Variants in SDK1 observed in about 807,000 individuals in gnomAD.
SDK1 encodes the protein sidekick cell adhesion molecule 1, also known as protein sidekick-1.
Under a neutral mutation model 245.5 loss-of-function variants are expected in SDK1, and 157 were observed. That is an observed-to-expected ratio of 0.64 (90% CI 0.56 to 0.73). The LOEUF (loss-of-function observed/expected upper bound fraction) is 0.73. SDK1 is among the 30% of genes least tolerant of loss of function. The probability of loss-of-function intolerance (pLI) is 0.00; values close to 1 mark genes in which losing one functional copy is unlikely to be tolerated. For missense variants in SDK1, 3,583 were observed against 3,002.3 expected (o/e 1.19, Z -4.52); for synonymous variants, 1,647 against 1,278.5 (o/e 1.29, Z -6.15).
At chr7:3,846,045 G>C (rs1397509371) in intron 5 of SDK1, among the ~76,000 whole-genome samples, 8 of 152,172 alleles carry the variant, frequency 5.3e-5, no homozygotes, top group Non-Finnish European at 8.8e-5. Context: ...ATTTCTGTTT[G>C]AAGTAAATGA....
chr7:3,722,846 CTCCCCTCCTGGCCAT>C (rs1199261421), intron 4 of SDK1, among the ~76,000 whole-genome samples: 1 of 152,212 alleles, frequency 6.6e-6, no homozygotes, highest in African/African-American at 2.4e-5. Context: ...CATCTGACCA[CTCCCCTCCTGGCCAT>C]TCCCCCTCCT....
chr7:4,225,487 A>G (rs763901718), intron 40 of SDK1, among the ~76,000 whole-genome samples: 10 of 152,162 alleles, frequency 6.6e-5, no homozygotes, highest in African/African-American at 7.2e-5. Flanking sequence ...AACACATCTC[A>G]GCATTTTCCA....
chr7:4,179,645 C>A (rs1782475037), intron 35 of SDK1, among the ~76,000 whole-genome samples: 1 of 152,034 alleles, frequency 6.6e-6, no homozygotes, highest in Non-Finnish European at 1.5e-5. Flanking sequence ...TCACTCAGAG[C>A]CACCGAGGTA....
chr7:3,571,777 C>T (rs933905287), intron 1 of SDK1, among the ~76,000 whole-genome samples: 2 of 152,022 alleles, frequency 1.3e-5, no homozygotes, highest in Non-Finnish European at 2.9e-5. Context: ...AAATTTTTAA[C>T]TTGGATGGAG....
chr7:3,675,116 T>C (rs1249705568), intron 4 of SDK1, among the ~76,000 whole-genome samples: 2 of 152,208 alleles, frequency 1.3e-5, no homozygotes, highest in African/African-American at 4.8e-5. Flanking sequence ...ATATCTCCAA[T>C]GTTGATCTCC....
intron 4 of SDK1, among the ~76,000 whole-genome samples, chr7:3,819,230 GT>G (rs11315088): frequency 0.24 from 34,538 of 144,978 alleles, 5,272 homozygotes; most frequent in African/African-American, 0.44. Flanking sequence ...GGCAGCAGCA[GT>G]TTTTTTTTTT....
At position 4,256,993 on chromosome 7, in the gene SDK1, C is replaced by T. The variant is rs35039665; in HGVS notation, c.6382-8131C>T. 3.9e-5 allele frequency among the ~76,000 whole-genome samples: 6 copies of T among 152,208 alleles called. No individual in the cohort carries two copies. In the South Asian group the frequency reaches 8.3e-4, roughly 21 times the overall value. On this transcript the variant is annotated intron_variant, in intron 44 of 44. Transcript: ENST00000404826. ...GAATTATGTCCTAAGTGTCACACGACGCATGCTGTGGCTATTTCTGTTTTT... is the reference window on the plus strand; with the variant it reads ...GAATTATGTCCTAAGTGTCACACGATGCATGCTGTGGCTATTTCTGTTTTT...
At chr7:3,324,220 G>A (rs557468527) in intron 1 of SDK1, among the ~76,000 whole-genome samples, 3 of 152,236 alleles carry the variant, frequency 2.0e-5, no homozygotes, top group South Asian at 2.1e-4. Context: ...TGTTTTGATT[G>A]TAAGAATGTT....
intron 1 of SDK1, among the ~76,000 whole-genome samples, chr7:3,445,381 T>G (rs1261216861): frequency 6.6e-6 from 1 of 152,198 alleles, no homozygotes; most frequent in Non-Finnish European, 1.5e-5. Flanking sequence ...TAGGTTAAGT[T>G]AGGTTAAACT....
chr7:3,896,600 C>T (rs1217052854), intron 5 of SDK1, among the ~76,000 whole-genome samples: 1 of 152,188 alleles, frequency 6.6e-6, no homozygotes, highest in Non-Finnish European at 1.5e-5. Context: ...TTCCCTCAGC[C>T]TGGATTGGGA....
chr7:3,971,372 T>C (rs984639226), intron 11 of SDK1, 94 bp from the exon 12 acceptor site: 2 of 798,000 alleles, frequency 2.5e-6, no homozygotes, highest in African/African-American at 3.4e-5. Flanking sequence ...AACTCGGAGG[T>C]TGTGATGTCA....
chr7:3,808,439 C>A (rs142968676), intron 4 of SDK1, among the ~76,000 whole-genome samples: 135 of 152,338 alleles, frequency 8.9e-4, no homozygotes, highest in African/African-American at 3.1e-3. Context: ...TGTCTCCCAA[C>A]TGTGGCTAAT....
intron 4 of SDK1, among the ~76,000 whole-genome samples, chr7:3,811,677 C>T (rs1779387306): frequency 1.3e-5 from 2 of 152,182 alleles, no homozygotes; most frequent in South Asian, 4.1e-4. Flanking sequence ...GCCAGCCCCG[C>T]AGTTCAGGAG....
chr7:4,113,912 A>G (rs1783518872), intron 24 of SDK1, 125 bp from the exon 25 acceptor site: 6 of 692,550 alleles, frequency 8.7e-6, no homozygotes, highest in Admixed American at 8.0e-5. Flanking sequence ...GATCCTTCTA[A>G]GACTATTTCC....
chr7:4,129,567 G>C (rs948093901), intron 26 of SDK1: 1 of 791,068 alleles, frequency 1.3e-6, no homozygotes, highest in African/African-American at 1.9e-5. Flanking sequence ...GTGGCAGGAA[G>C]CAGAGTGTTG....
At position 4,051,754 on chromosome 7, in the gene SDK1, C is replaced by T. The variant is rs1249134900; in HGVS notation, c.2835C>T (p.Phe945=). ...ITNLKKFTAY[F]TSVLCFTTPG... ...ACCTGAAGAAGTTTACCGCCTACTT[C>T]ACTTCCGTTCTGTGCTTCACCACCC... The change falls in exon 19 of 45, where the codon TTC becomes TTT. Residue 945 remains phenylalanine, a synonymous_variant. Coordinates refer to ENST00000404826, the MANE Select transcript of SDK1 (RefSeq NM_152744.4). The T allele has an allele frequency of 1.9e-6, 3 of 1,614,088 alleles. No individual in the cohort carries two copies. The highest frequency in any genetic ancestry group is 1.7e-5 in the Admixed American group (1 of 60,008).
intron 4 of SDK1, among the ~76,000 whole-genome samples, chr7:3,729,436 G>C (rs1438326414): frequency 6.6e-6 from 1 of 152,204 alleles, no homozygotes. Flanking sequence ...GGAGACATTT[G>C]TGGTTGTCAC....
intron 1 of SDK1, among the ~76,000 whole-genome samples, chr7:3,587,624 C>T (rs1562584011): frequency 4.6e-5 from 7 of 152,242 alleles, no homozygotes; most frequent in Admixed American, 6.5e-5. Flanking sequence ...TCCCTACCTA[C>T]ATCGGGGATG....
intron 5 of SDK1, among the ~76,000 whole-genome samples, chr7:3,893,604 C>T (rs1286461069): frequency 9.9e-5 from 15 of 151,846 alleles, no homozygotes; most frequent in Admixed American, 2.0e-4. Context: ...AATCCTCCCC[C>T]GTCTAGCTGT....
Sources: allele counts gnomAD v4.1 joint callset (sites outside exome capture counted in the v4.1 genomes callset), GRCh38; gene constraint gnomAD v4.1.1; transcripts MANE v1.5; gene names NCBI Gene and HGNC (gene_info 2026-07-23, HGNC 2026-07-21).